The following LRRK2 variants were observed in gnomAD, a reference collection of about 807,000 sequenced individuals.
LRRK2 encodes the protein leucine-rich repeat serine/threonine-protein kinase 2.
A neutral mutation model predicts 302.6 loss-of-function variants in LRRK2; 203 were observed. That is an observed-to-expected ratio of 0.67 (90% CI 0.60 to 0.75). The LOEUF (loss-of-function observed/expected upper bound fraction) is 0.75. Among genes scored for constraint, LRRK2 ranks in the 30% least tolerant of loss-of-function variants. LRRK2 has a pLI of 0.00. For missense variants in LRRK2, 2,830 were observed against 2,951.0 expected (o/e 0.96, Z 0.95); for synonymous variants, 1,066 against 1,031.9 (o/e 1.03, Z -0.63).
chr12:40,312,639 C>T (rs1010385480), intron 31 of LRRK2: 2 of 152,060 alleles, frequency 1.3e-5, no homozygotes, highest in African/African-American at 4.8e-5. Context: ...GATAATCATG[C>T]TGAAAGGAGA....
chr12:40,263,966 G>T, intron 14 of LRRK2, 65 bp downstream of exon 14: 1 of 1,257,992 alleles, frequency 7.9e-7, no homozygotes, highest in Non-Finnish European at 1.1e-6. Context: ...GGAGAACTAG[G>T]GGCGCTTTTT....
At chr12:40,347,464 T>A (rs1249425566) in intron 42 of LRRK2, among the ~76,000 whole-genome samples, 1 of 152,246 alleles carries the variant, frequency 6.6e-6, no homozygotes, top group Non-Finnish European at 1.5e-5. Flanking sequence ...TTTAAGTTTA[T>A]TTAGCTCTTT....
chr12:40,262,782 C>T (rs1942833371), intron 13 of LRRK2, among the ~76,000 whole-genome samples: 1 of 152,164 alleles, frequency 6.6e-6, no homozygotes, highest in Admixed American at 6.6e-5. Flanking sequence ...TTAGTGGTCA[C>T]ATCTTCTTAA....
In LRRK2 at chr12:40,293,586, A is replaced by G. The variant is rs1425557021; in HGVS notation, c.2731A>G (p.Ile911Val). Residue 911 changes from isoleucine to valine, a missense_variant, in exon 21 of 51, where the codon ATT becomes GTT. Transcript: ENST00000298910. ...TCTTGTGAAAAAGAAATCTAATTCAATTAGTGTAGGAGAATTTTACCGAGA... is the reference window on the plus strand; with the variant it reads ...TCTTGTGAAAAAGAAATCTAATTCAGTTAGTGTAGGAGAATTTTACCGAGA... ...SFLVKKKSNS[I>V]SVGEFYRDAV... 15 of 1,611,196 alleles carry G rather than the reference A, an allele frequency of 9.3e-6. No homozygotes were observed. The Admixed American group carries it at 1.0e-4, about 11-fold the overall frequency.
At chr12:40,339,402 C>T (rs1431447182) in intron 40 of LRRK2, among the ~76,000 whole-genome samples, 1 of 152,176 alleles carries the variant, frequency 6.6e-6, no homozygotes, top group African/African-American at 2.4e-5. Flanking sequence ...ACATTAGTAG[C>T]TGAGATGCGG....
intron 20 of LRRK2, among the ~76,000 whole-genome samples, chr12:40,288,586 T>C (rs2136680356): frequency 6.6e-6 from 1 of 152,052 alleles, no homozygotes; most frequent in Middle Eastern, 3.4e-3. Context: ...GCATTCTGGT[T>C]GCTCTACATC....
intron 2 of LRRK2, among the ~76,000 whole-genome samples, chr12:40,227,354 G>A (rs149406366): frequency 0.031 from 4,727 of 152,194 alleles, 203 homozygotes; most frequent in Admixed American, 0.11. Flanking sequence ...AATATGCAAT[G>A]AATTATTAAC....
chr12:40,275,976 C>T (rs573688838), intron 16 of LRRK2, among the ~76,000 whole-genome samples: 1 of 152,210 alleles, frequency 6.6e-6, no homozygotes, highest in South Asian at 2.1e-4. Flanking sequence ...GGTCTCTAAT[C>T]TTTGCACAGA....
intron 44 of LRRK2, among the ~76,000 whole-genome samples, chr12:40,352,606 C>T (rs1042331856): frequency 3.3e-5 from 5 of 150,900 alleles, no homozygotes; most frequent in African/African-American, 9.8e-5. Context: ...GAGGACCCTG[C>T]GGCCTTCCGT....
intron 39 of LRRK2, among the ~76,000 whole-genome samples, chr12:40,331,402 T>G (rs17520251): frequency 0.012 from 1,754 of 152,210 alleles, 39 homozygotes; most frequent in African/African-American, 0.04. Context: ...CTTTGCTCTC[T>G]AGATGCTGGA....
intron 12 of LRRK2, among the ~76,000 whole-genome samples, chr12:40,258,054 G>A (rs761747803): frequency 6.6e-6 from 1 of 152,254 alleles, no homozygotes; most frequent in East Asian, 1.9e-4. Flanking sequence ...TGAGCCAACT[G>A]TTTCATCTCT....
intron 5 of LRRK2, 24 bp from the exon 6 acceptor site, chr12:40,240,459 A>G (rs1941673688): frequency 6.2e-7 from 1 of 1,603,954 alleles, no homozygotes; most frequent in African/African-American, 1.3e-5. Context: ...AAGCTTATTC[A>G]GTATTTTGTC....
intron 14 of LRRK2, among the ~76,000 whole-genome samples, chr12:40,269,796 A>G (rs1047027446): frequency 1.3e-5 from 2 of 152,040 alleles, no homozygotes; most frequent in African/African-American, 2.4e-5. Context: ...TCCTTCCTGT[A>G]TGTTGACACA....
In LRRK2 at chr12:40,318,741, A is replaced by G. The variant is rs1399155748; in HGVS notation, c.4828-1247A>G. 4.6e-5 allele frequency among the ~76,000 whole-genome samples: 7 copies of G among 152,074 alleles called. No individual in the cohort carries two copies. The East Asian group carries it at 1.3e-3, about 29-fold the overall frequency. On this transcript the variant is annotated intron_variant, in intron 33 of 50. Transcript: ENST00000298910. Reference sequence around the variant, plus strand: ...AAATATGAAGTGCAGTTGGAGATGAATTGTCAAAAAAGGTCTTAGCACTTA... The same window carrying G: ...AAATATGAAGTGCAGTTGGAGATGAGTTGTCAAAAAAGGTCTTAGCACTTA...
At chr12:40,257,791 C>T (rs1402641073) in intron 12 of LRRK2, among the ~76,000 whole-genome samples, 1 of 152,160 alleles carries the variant, frequency 6.6e-6, no homozygotes, top group African/African-American at 2.4e-5. Flanking sequence ...TCTCTTCCTG[C>T]TCTCAATCCT....
At chr12:40,354,168 G>C in intron 44 of LRRK2, 131 bp from the exon 45 acceptor site, 1 of 718,142 alleles carries the variant, frequency 1.4e-6, no homozygotes, top group Non-Finnish European at 2.3e-6. Context: ...AAATAAAATT[G>C]GCATTGTTTT....
rs1404150606 is a variant in LRRK2 at position 40,298,365 on chromosome 12, A to G, written c.3219A>G (p.Ser1073=). The G allele has an allele frequency of 3.1e-6, 5 of 1,613,870 alleles. No homozygotes were observed. The highest frequency in any genetic ancestry group is 1.6e-4 in the Middle Eastern group (1 of 6,084). Residue 1073 remains serine, a synonymous_variant, in exon 24 of 51, where the codon TCA becomes TCG. Transcript: ENST00000298910. ...TCTCTCGAAATGACATTGGACCCTC[A>G]GTGGTTTTAGATCCTACAGTGAAAT... The part of the protein sequence containing the change: ...LDVSRNDIGP[S]VVLDPTVKCP...
rs779956822 is a variant in LRRK2 at position 40,274,929 on chromosome 12, T to C, written c.1877T>C (p.Leu626Pro). 3 of 1,614,004 alleles carry C rather than the reference T, an allele frequency of 1.9e-6. No homozygotes were observed. Among genetic ancestry groups the C allele is most frequent in the Non-Finnish European group, 2.5e-6 (3 of 1,179,912 alleles). Residue 626 changes from leucine (L) to proline (P), a missense_variant, in exon 16 of 51, where the codon CTG (leucine) becomes CCG (proline). Physicochemically the swap from Leu to Pro is moderately conservative, Grantham distance 98 (BLOSUM62 -3). Coordinates refer to ENST00000298910, the MANE Select transcript of LRRK2 (RefSeq NM_198578.4). ...AATGTGTTCATAGGAACTGGACATCTGCTGGCAAAAATTCTGGTTTCCAGC... is the reference window on the plus strand; with the variant it reads ...AATGTGTTCATAGGAACTGGACATCCGCTGGCAAAAATTCTGGTTTCCAGC... ...KKNVFIGTGH[L>P]LAKILVSSLY...
At chr12:40,363,343 C>A in intron 47 of LRRK2, 59 bp from the exon 48 acceptor site, 1 of 1,535,088 alleles carries the variant, frequency 6.5e-7, no homozygotes, top group Non-Finnish European at 9.0e-7. Context: ...TTGTATTACA[C>A]GTAGAAATTT....
Sources: gnomAD v4.1 joint callset for allele counts (sites outside exome capture counted in the v4.1 genomes callset) on GRCh38, gnomAD v4.1.1 for gene constraint, MANE v1.5 for transcripts, NCBI Gene and HGNC (gene_info 2026-07-23, HGNC 2026-07-21) for gene names.